Variants in APC2 observed in about 807,000 individuals in gnomAD.
APC2 encodes the protein APC regulator of Wnt signaling pathway 2, also known as adenomatous polyposis coli protein 2.
APC2 carries 41 observed loss-of-function variants against 72.5 expected under a neutral mutation model. The ratio of observed to expected loss-of-function variants is 0.57; its 90% CI spans 0.44 to 0.73. APC2 has a LOEUF of 0.73. Among genes scored for constraint, APC2 ranks in the 30% least tolerant of loss-of-function variants. APC2 has a pLI of 0.00. For missense variants in APC2, 3,729 were observed against 3,403.4 expected (o/e 1.10, Z -2.38); for synonymous variants, 1,898 against 1,612.0 (o/e 1.18, Z -4.25).
chr19:1,466,908 G>T lies in APC2; in HGVS notation c.3607G>T (p.Gly1203Ter). The T allele has an allele frequency of 6.3e-7, 1 of 1,585,568 alleles. No homozygotes were observed. Among genetic ancestry groups the T allele is most frequent in the East Asian group, 2.3e-5 (1 of 43,598 alleles). The change falls in exon 15 of 15, where the codon GGA (glycine) becomes TGA (stop). Residue 1203 changes from glycine to a stop codon, truncating the protein, a stop_gained. Transcript: ENST00000590469. LOFTEE classifies it low-confidence loss of function (END_TRUNC). ...ISPSELPDSP[G>*]QTMPPSRSKT... ...CCCTAGCGAGCTGCCCGACAGCCCC[G>T]GACAGACCATGCCTCCCAGCCGGAG...
At position 1,467,630 on chromosome 19, in the gene APC2, CA is replaced by C; in HGVS notation, c.4331del (p.Lys1444ArgfsTer136). On this transcript the variant is annotated frameshift_variant, in exon 15 of 15. Coordinates refer to ENST00000590469, the MANE Select transcript of APC2 (RefSeq NM_005883.3). LOFTEE classifies it low-confidence loss of function (END_TRUNC). The part of the protein sequence containing the change: ...SARQAMGHRH[K>X]AGGAGRSAEQ... ...CCAGACAGGCCATGGGGCACCGGCA[CA>C]AGGCGGGAGGCGCCGGCCGCAGCGC... 1 of 1,488,520 alleles carries C rather than the reference CA, an allele frequency of 6.7e-7. No homozygotes were observed. Among genetic ancestry groups the C allele is most frequent in the Non-Finnish European group, 8.9e-7 (1 of 1,126,934 alleles). The allele number at this position is 1,488,520 out of a possible 1,614,324, so 92.2% of individuals were successfully genotyped here.
In APC2 at chr19:1,468,193, G is replaced by C. The variant is rs537177602; in HGVS notation, c.4892G>C (p.Arg1631Pro). Reference protein sequence around the residue: ...SPRAAEELLQRCISSALPRRR... With the variant: ...SPRAAEELLQPCISSALPRRR... ...CGGGCCGCGGAGGAGCTTCTGCAGC[G>C]GTGCATCAGCTCGGCCCTGCCCAGG... The change falls in exon 15 of 15, where the codon CGG (arginine) becomes CCG (proline). Residue 1631 changes from arginine to proline, a missense_variant. Arg to Pro is a moderately radical substitution (Grantham distance 103). Transcript: ENST00000590469. 1.4e-6 allele frequency: 2 copies of C among 1,462,430 alleles called. No homozygotes were observed. The highest frequency in any genetic ancestry group is 2.8e-5 in the East Asian group (1 of 35,750). The allele number at this position is 1,462,430 out of a possible 1,614,324, so 90.6% of individuals were successfully genotyped here.
At chr19:1,449,604 C>G (rs2083718663), upstream of APC2, among the ~76,000 whole-genome samples, 1 of 152,152 alleles carries the variant, frequency 6.6e-6, no homozygotes, top group Non-Finnish European at 1.5e-5. Context: ...GGAGATGCAG[C>G]GTCCCAGGTG....
rs2084022606 is a variant in APC2, at chr19:1,466,693, G to A, written c.3392G>A (p.Arg1131His). 16 of 1,518,322 alleles carry A rather than the reference G, an allele frequency of 1.1e-5. No individual in the cohort carries two copies. In the East Asian group the frequency reaches 1.2e-4, roughly 12 times the overall value. 94.1% of individuals were successfully genotyped at this position (1,518,322 alleles called of 1,614,324 possible). A position where few individuals can be genotyped will look rare whatever the true frequency, so the allele number is the denominator to read the frequency against. ...CCCGTAGCCATTCCGGCTCCCCGGC[G>A]TAACCGAGGCCGGGGCCTGGGGGTG... ...SLPVAIPAPRRNRGRGLGVED... is the reference protein window; with the variant it reads ...SLPVAIPAPRHNRGRGLGVED... The change falls in exon 15 of 15, where the codon CGT becomes CAT. Residue 1131 changes from arginine to histidine, a missense_variant. Physicochemically the swap from Arg to His is conservative, Grantham distance 29. Transcript: ENST00000590469.
At chr19:1,454,157 C>G (rs1383201440) in intron 4 of APC2, among the ~76,000 whole-genome samples, 2 of 152,138 alleles carry the variant, frequency 1.3e-5, no homozygotes, top group African/African-American at 4.8e-5. Flanking sequence ...CTAAACCCTC[C>G]CAGCCTAAGA....
At chr19:1,448,966 ACAGCCAGGCCGAAGGGCTCT>A (rs773693846), upstream of APC2, among the ~76,000 whole-genome samples, 2 of 152,202 alleles carry the variant, frequency 1.3e-5, no homozygotes, top group Non-Finnish European at 2.9e-5. Context: ...GGGCTCCCAG[ACAGCCAGGCCGAAGGGCTCT>A]CAGCCCCTGG....
At chr19:1,454,659 G>C (rs1599133845) in intron 4 of APC2, among the ~76,000 whole-genome samples, 2 of 151,054 alleles carry the variant, frequency 1.3e-5, no homozygotes, top group East Asian at 3.9e-4. Context: ...CGCCTCCCGG[G>C]TTCACACCAT....
chr19:1,463,721 G>T (rs1418756437), intron 14 of APC2, among the ~76,000 whole-genome samples: 1 of 152,088 alleles, frequency 6.6e-6, no homozygotes. Flanking sequence ...CTGCACTCCA[G>T]CCTGGGTGAT....
At position 1,465,188 on chromosome 19, in the gene APC2, G is replaced by C; in HGVS notation, c.1887G>C (p.Thr629=). ...QVLRDHNCLQ[T]LLQHLTSHSL... ...TCCGGGATCACAACTGTCTGCAGAC[G>C]CTGCTGCAGCATCTGACTTCGCACA... is the stretch of plus-strand genomic sequence containing the variant. Residue 629 remains threonine (T), a synonymous_variant, in exon 15 of 15, where the codon ACG becomes ACC. Coordinates refer to ENST00000590469, the MANE Select transcript of APC2 (RefSeq NM_005883.3). The C allele has an allele frequency of 6.2e-7, 1 of 1,606,608 alleles. No individual in the cohort carries two copies. Among genetic ancestry groups the C allele is most frequent in the East Asian group, 2.2e-5 (1 of 44,540 alleles).
Position 1,453,459 on chromosome 19 carries a change from C to A in APC2, c.261C>A (p.Tyr87Ter). The change falls in exon 4 of 15, where the codon TAC becomes TAA. Residue 87 changes from tyrosine to a stop codon, truncating the protein, a stop_gained. Transcript: ENST00000590469. LOFTEE classifies it high-confidence loss of function. ...KALQMDITSL[Y>*]NLKFQPPTLG... The stretch of plus-strand genomic sequence containing the variant: ...TACAGATGGACATCACCAGCCTGTA[C>A]AACCTCAAGTTCCAGCCGCCCACCC... 6.2e-7 allele frequency: 1 copy of A among 1,602,514 alleles called. No homozygotes were observed.
At chr19:1,446,847 C>G (rs1004400060), upstream of APC2, among the ~76,000 whole-genome samples, 1 of 152,214 alleles carries the variant, frequency 6.6e-6, no homozygotes, top group Non-Finnish European at 1.5e-5. This position sits in a 1 kb window ranked among gnomAD's most constrained non-coding sequence, Gnocchi z 6.1. Flanking sequence ...CGCTCCCGAC[C>G]CCAGCGCTTC....
Position 1,467,730 on chromosome 19 carries a change from G to A in APC2, c.4429G>A (p.Ala1477Thr), listed in dbSNP as rs1465386197. The change falls in exon 15 of 15, where the codon GCA (alanine) becomes ACA (threonine). Residue 1477 changes from alanine to threonine, a missense_variant. By Grantham distance (58) the Ala-to-Thr change is moderately conservative. Coordinates refer to ENST00000590469, the MANE Select transcript of APC2 (RefSeq NM_005883.3). ...LPLGRPPSAP[A>T]DKDGSKPGRT... ...CCTGGGCCGGCCCCCGAGCGCCCCC[G>A]CAGACAAGGACGGCTCAAAGCCCGG... The A allele has an allele frequency of 1.7e-5, 25 of 1,435,562 alleles. No individual in the cohort carries two copies. The highest frequency in any genetic ancestry group is 2.3e-5 in the Non-Finnish European group (25 of 1,103,584). The allele number at this position is 1,435,562 out of a possible 1,614,324, so 88.9% of individuals were successfully genotyped here.
chr19:1,467,038 G>A lies in APC2; in HGVS notation c.3737G>A (p.Cys1246Tyr), dbSNP rs762750822. Residue 1246 changes from cysteine (C) to tyrosine (Y), a missense_variant, in exon 15 of 15, where the codon TGC becomes TAC. Transcript: ENST00000590469. ...AAGCGCTTCCTGGACATCGCCGACTGCCGGGAGCGCTGCCGGCTGCCATCT... is the reference window on the plus strand; with the variant it reads ...AAGCGCTTCCTGGACATCGCCGACTACCGGGAGCGCTGCCGGCTGCCATCT... Reference protein sequence around the residue: ...YVKRFLDIADCRERCRLPSEL... With the variant: ...YVKRFLDIADYRERCRLPSEL... 6 of 1,611,572 alleles carry A rather than the reference G, an allele frequency of 3.7e-6. No individual in the cohort carries two copies. The highest frequency in any genetic ancestry group is 5.1e-6 in the Non-Finnish European group (6 of 1,179,574).
At chr19:1,458,792 C>G (rs61597874) in intron 10 of APC2, among the ~76,000 whole-genome samples, 2 of 151,978 alleles carry the variant, frequency 1.3e-5, no homozygotes, top group African/African-American at 2.4e-5. Context: ...TCTCAGCTCA[C>G]TGCAAACTCC....
Position 1,452,817 on chromosome 19 carries a change from C to A in APC2, c.-18-167C>A. The A allele has an allele frequency of 1.2e-6, 1 of 828,422 alleles. No individual in the cohort carries two copies. The highest frequency in any genetic ancestry group is 1.8e-6 in the Non-Finnish European group (1 of 551,440). The allele number at this position is 828,422 out of a possible 1,614,324, so 51.3% of individuals were successfully genotyped here. ...TCTGCGCCCCGGATTGCCTGGCCACCACCACGTGGGCCTGTACTTGTCCAC... is the reference window on the plus strand; with the variant it reads ...TCTGCGCCCCGGATTGCCTGGCCACAACCACGTGGGCCTGTACTTGTCCAC... On this transcript the variant is annotated intron_variant, in intron 1 of 14. Transcript: ENST00000590469. This position sits in a 1 kb window ranked among gnomAD's most constrained non-coding sequence, Gnocchi z 5.1.
chr19:1,455,087 A>G (rs1171091622), intron 4 of APC2, 62 bp from the exon 5 acceptor site: 10 of 1,136,130 alleles, frequency 8.8e-6, no homozygotes, highest in Non-Finnish European at 1.2e-5. Flanking sequence ...GTGATTACAA[A>G]TATCAAAATA....
At position 1,452,957 on chromosome 19, in the gene APC2, C is replaced by A; in HGVS notation, c.-18-27C>A. The A allele has an allele frequency of 1.2e-6, 2 of 1,605,728 alleles. No homozygotes were observed. Among genetic ancestry groups the A allele is most frequent in the Non-Finnish European group, 1.7e-6 (2 of 1,177,126 alleles). ...CACCGCGCCCTCCCCAGACCATCAG[C>A]TGAACCCTCTGACCCTGTGATCCCA... On this transcript the variant is annotated intron_variant, in intron 1 of 14. Coordinates refer to ENST00000590469, the MANE Select transcript of APC2 (RefSeq NM_005883.3). The surrounding 1 kb of genome is among the most constrained non-coding windows in gnomAD (Gnocchi z 5.1).
At position 1,466,872 on chromosome 19, in the gene APC2, G is replaced by A. The variant is rs781332940; in HGVS notation, c.3571G>A (p.Gly1191Ser). 9.6e-6 allele frequency: 15 copies of A among 1,565,444 alleles called. No individual in the cohort carries two copies. The highest frequency in any genetic ancestry group is 3.7e-5 in the Admixed American group (2 of 53,668). Residue 1191 changes from glycine to serine, a missense_variant, in exon 15 of 15, where the codon GGC (glycine) becomes AGC (serine). Coordinates refer to ENST00000590469, the MANE Select transcript of APC2 (RefSeq NM_005883.3). ...TGAACCTTGCAGCGGGCAGGGCAGCGGCACCATCAGCCCTAGCGAGCTGCC... is the reference window on the plus strand; with the variant it reads ...TGAACCTTGCAGCGGGCAGGGCAGCAGCACCATCAGCCCTAGCGAGCTGCC... ...PSEPCSGQGS[G>S]TISPSELPDS...
chr19:1,453,789 G>A (rs758557452), intron 4 of APC2, among the ~76,000 whole-genome samples, 178 bp downstream of exon 4: 1 of 151,964 alleles, frequency 6.6e-6, no homozygotes, highest in Non-Finnish European at 1.5e-5. Context: ...TCGTCCCCAC[G>A]TGGCCTCCCT....
Sources: allele counts gnomAD v4.1 joint callset (sites outside exome capture counted in the v4.1 genomes callset), GRCh38; gene constraint gnomAD v4.1.1; non-coding constraint Gnocchi (gnomAD v3.1); transcripts MANE v1.5; gene names NCBI Gene and HGNC (gene_info 2026-07-23, HGNC 2026-07-21).